Variants in AGBL4 observed in about 807,000 individuals in gnomAD.
AGBL4 encodes the protein cytosolic carboxypeptidase 6.
AGBL4 carries 58 observed loss-of-function variants against 66.4 expected under a neutral mutation model. That is an observed-to-expected ratio of 0.87 (90% CI 0.71 to 1.09). The LOEUF is 1.09. Ranked by LOEUF, AGBL4 falls within the 50% of genes least tolerant of loss-of-function variation. The pLI is 0.00. For synonymous variants in AGBL4, 234 were observed against 222.9 expected, an observed-to-expected ratio of 1.05 and a Z score of -0.44; for missense variants, 579 against 631.0, an observed-to-expected ratio of 0.92 and a Z score of 0.88.
chr1:48,913,434 C>A (rs1653318406), intron 5 of AGBL4, among the ~76,000 whole-genome samples: 1 of 152,146 alleles, frequency 6.6e-6, no homozygotes, highest in African/African-American at 2.4e-5. Context: ...AGCAAAGCTT[C>A]ATCTGTATTT....
chr1:49,532,917 T>G (rs1651252463), intron 3 of AGBL4, among the ~76,000 whole-genome samples: 1 of 152,198 alleles, frequency 6.6e-6, no homozygotes, highest in Non-Finnish European at 1.5e-5. Flanking sequence ...CACTGCAGTT[T>G]TTCTGCCCTC....
At chr1:49,086,674 A>G (rs1209160016) in intron 4 of AGBL4, among the ~76,000 whole-genome samples, 4 of 150,428 alleles carry the variant, frequency 2.7e-5, no homozygotes, top group African/African-American at 9.8e-5. Context: ...AGAGTGGGCA[A>G]CTCCACTCAC....
In AGBL4 at chr1:48,534,237, T is replaced by C; in HGVS notation, c.1448A>G (p.Tyr483Cys). Reference sequence around the variant, plus strand: ...CTTCTTGTCCCCTTTGCTGTTGGGGTAGTTGCTGGCTGGGCCCCGCAGGAG... The same window carrying C: ...CTTCTTGTCCCCTTTGCTGTTGGGGCAGTTGCTGGCTGGGCCCCGCAGGAG... ...HPLLRGPASNYPNSKGDKKSS... is the reference protein window; with the variant it reads ...HPLLRGPASNCPNSKGDKKSS... The change falls in exon 14 of 14, where the codon TAC (tyrosine) becomes TGC (cysteine). Residue 483 changes from tyrosine (Y) to cysteine (C), a missense_variant. Tyr to Cys is a radical substitution (Grantham distance 194, BLOSUM62 -2). Coordinates refer to ENST00000371839, the MANE Select transcript of AGBL4 (RefSeq NM_032785.4). 1 of 1,551,614 alleles carries C rather than the reference T, an allele frequency of 6.4e-7. No individual in the cohort carries two copies. The highest frequency in any genetic ancestry group is 8.7e-7 in the Non-Finnish European group (1 of 1,146,938).
At chr1:49,165,444 T>C (rs1646616664) in intron 4 of AGBL4, among the ~76,000 whole-genome samples, 1 of 152,122 alleles carries the variant, frequency 6.6e-6, no homozygotes, top group South Asian at 2.1e-4. Flanking sequence ...GATATGTGGC[T>C]TGTGGCTAAA....
At chr1:49,852,987 G>A (rs949717398) in intron 1 of AGBL4, among the ~76,000 whole-genome samples, 3 of 152,174 alleles carry the variant, frequency 2.0e-5, no homozygotes, top group Non-Finnish European at 2.9e-5. Flanking sequence ...CCACCCAAAT[G>A]AGGTGGAAAG....
chr1:48,701,729 G>A (rs1362756771), intron 6 of AGBL4, among the ~76,000 whole-genome samples: 2 of 152,150 alleles, frequency 1.3e-5, no homozygotes, highest in Admixed American at 6.5e-5. Flanking sequence ...CATACTGAGG[G>A]TGTGTTTTGT....
chr1:49,084,633 A>C (rs1644871320), intron 4 of AGBL4, among the ~76,000 whole-genome samples: 1 of 152,206 alleles, frequency 6.6e-6, no homozygotes. Context: ...ATTCAAGGTG[A>C]GATTTGGTTG....
Position 49,446,309 on chromosome 1 carries a change from T to A in AGBL4, c.283-200445A>T, listed in dbSNP as rs371707283. The stretch of plus-strand genomic sequence containing the variant: ...GCAAACCTTGTGTTAACAGTCACTT[T>A]CTCCTATTTTTGAATTTACTTTTAT... On this transcript the variant is annotated intron_variant, in intron 3 of 13. Coordinates refer to ENST00000371839, the MANE Select transcript of AGBL4 (RefSeq NM_032785.4). Among the ~76,000 whole-genome samples, 50 of 152,328 alleles carry A rather than the reference T, an allele frequency of 3.3e-4. 1 individual carries two copies. In the South Asian group the frequency reaches 9.5e-3, roughly 29 times the overall value.
chr1:49,102,711 T>C (rs1645225410), intron 4 of AGBL4, among the ~76,000 whole-genome samples: 1 of 152,138 alleles, frequency 6.6e-6, no homozygotes, highest in Non-Finnish European at 1.5e-5. Context: ...CCCTGTGAAG[T>C]AGATAGCAGT....
At chr1:48,966,985 G>A (rs12046483) in intron 5 of AGBL4, among the ~76,000 whole-genome samples, 1 of 151,660 alleles carries the variant, frequency 6.6e-6, no homozygotes, top group African/African-American at 2.4e-5. Context: ...AAAAGGGTGG[G>A]TCTCAAAAAG....
At chr1:48,606,192 GC>G (rs1365628078) in intron 9 of AGBL4, among the ~76,000 whole-genome samples, 1 of 36,598 alleles carries the variant, frequency 2.7e-5, no homozygotes, top group Non-Finnish European at 8.4e-5. Context: ...TTGTGCTTGG[GC>G]TTTTTTTTTT....
chr1:48,998,079 A>T (rs1261011639), intron 5 of AGBL4, among the ~76,000 whole-genome samples: 1 of 152,250 alleles, frequency 6.6e-6, no homozygotes, highest in Non-Finnish European at 1.5e-5. Context: ...TTGAAGACTG[A>T]AGCCAAACTA....
chr1:49,496,053 A>C (rs987753895), intron 3 of AGBL4, among the ~76,000 whole-genome samples: 23 of 152,076 alleles, frequency 1.5e-4, no homozygotes, highest in Admixed American at 2.6e-4. Flanking sequence ...ACCTGTACAC[A>C]GGATAAAGAC....
intron 1 of AGBL4, among the ~76,000 whole-genome samples, chr1:49,948,182 A>T (rs1238371674): frequency 1.0e-5 from 1 of 97,754 alleles, no homozygotes; most frequent in Non-Finnish European, 1.8e-5. Context: ...ATATATAACT[A>T]TATATAAATA....
chr1:49,092,227 G>A (rs1315656881), intron 4 of AGBL4, among the ~76,000 whole-genome samples: 2 of 151,986 alleles, frequency 1.3e-5, no homozygotes, highest in Non-Finnish European at 2.9e-5. Flanking sequence ...GCATCCTATT[G>A]GTCTGTTTCT....
chr1:49,215,958 C>T (rs1400003879), intron 4 of AGBL4, among the ~76,000 whole-genome samples: 1 of 152,054 alleles, frequency 6.6e-6, no homozygotes, highest in East Asian at 1.9e-4. Context: ...TGCTCAAGGC[C>T]ACATGGCTAG....
At chr1:49,859,648 A>G (rs190019984) in intron 1 of AGBL4, among the ~76,000 whole-genome samples, 18 of 152,228 alleles carry the variant, frequency 1.2e-4, no homozygotes, top group African/African-American at 4.3e-4. Flanking sequence ...TTTTTAATAT[A>G]CTTAAATTAT....
At chr1:49,281,831 CA>C (rs1406510018) in intron 3 of AGBL4, among the ~76,000 whole-genome samples, 2 of 152,220 alleles carry the variant, frequency 1.3e-5, no homozygotes, top group African/African-American at 2.4e-5. Context: ...ACAGAAGCCC[CA>C]AACCCTTTTC....
intron 2 of AGBL4, among the ~76,000 whole-genome samples, chr1:49,846,765 GA>G (rs900019734): frequency 9.2e-5 from 14 of 151,966 alleles, no homozygotes; most frequent in South Asian, 2.1e-4. Flanking sequence ...AAACACGGAT[GA>G]AAAAAATATA....
Sources: gnomAD v4.1 joint callset for allele counts (sites outside exome capture counted in the v4.1 genomes callset) on GRCh38, gnomAD v4.1.1 for gene constraint, MANE v1.5 for transcripts, NCBI Gene and HGNC (gene_info 2026-07-23, HGNC 2026-07-21) for gene names.